The following CAMK1D variants were observed in gnomAD, a reference collection of about 807,000 sequenced individuals.
The protein encoded by CAMK1D is calcium/calmodulin-dependent protein kinase type 1D.
In CAMK1D, 9 loss-of-function variants were observed where a neutral mutation model predicts 47.7. That is an observed-to-expected ratio of 0.19 (90% CI 0.11 to 0.33). The LOEUF (loss-of-function observed/expected upper bound fraction) is 0.33. Among genes scored for constraint, CAMK1D ranks in the 10% least tolerant of loss-of-function variants. The pLI is 1.00. For synonymous variants in CAMK1D, 184 were observed against 184.9 expected (o/e 0.99, Z 0.04); for missense variants, 291 against 488.7 (o/e 0.60, Z 3.81).
intron 3 of CAMK1D, among the ~76,000 whole-genome samples, chr10:12,743,271 C>T (rs1835512502): frequency 1.3e-5 from 2 of 149,964 alleles, no homozygotes; most frequent in African/African-American, 4.9e-5. Context: ...CACTTGAACC[C>T]AGGAGGCAGA....
chr10:12,803,487 G>T (rs1343903632), intron 6 of CAMK1D, among the ~76,000 whole-genome samples: 3 of 152,060 alleles, frequency 2.0e-5, no homozygotes, highest in Non-Finnish European at 4.4e-5. Context: ...TTCGAGACCA[G>T]CCTGGCCAAC....
chr10:12,834,183 T>C lies in CAMK1D; in HGVS notation c.*5296T>C, dbSNP rs1305572095. On this transcript the variant is annotated 3_prime_UTR_variant, in exon 11 of 11. Coordinates refer to ENST00000619168, the MANE Select transcript of CAMK1D (RefSeq NM_153498.4). ...TCAACTCTGGGGAGCAGGCAGGCGG[T>C]CTGAGGAAGATAAGGGCCCACGCCC... 6.6e-6 allele frequency: 1 copy of C among 152,160 alleles called. No individual in the cohort carries two copies. Among genetic ancestry groups the C allele is most frequent in the Admixed American group, 6.6e-5 (1 of 15,260 alleles). The allele number at this position is 152,160 out of a possible 1,614,324, so 9.4% of individuals were successfully genotyped here. A position where few individuals can be genotyped will look rare whatever the true frequency, so the allele number is the denominator to read the frequency against.
At chr10:12,504,547 T>C (rs1483513940) in intron 1 of CAMK1D, among the ~76,000 whole-genome samples, 1 of 152,148 alleles carries the variant, frequency 6.6e-6, no homozygotes, top group African/African-American at 2.4e-5. Context: ...CTTGACTCAC[T>C]AGCAATTCAA....
intron 3 of CAMK1D, among the ~76,000 whole-genome samples, chr10:12,757,615 G>A (rs893932233): frequency 6.6e-6 from 1 of 152,196 alleles, no homozygotes; most frequent in African/African-American, 2.4e-5. Flanking sequence ...GAATAAGTCA[G>A]TGCTGGCTGC....
At chr10:12,548,435 T>C (rs1386805751) in intron 1 of CAMK1D, among the ~76,000 whole-genome samples, 1 of 150,508 alleles carries the variant, frequency 6.6e-6, no homozygotes, top group Non-Finnish European at 1.5e-5. Flanking sequence ...ACATAAACTT[T>C]ACCATTTTAA....
At chr10:12,620,203 A>AAAAAAT (rs1838953834) in intron 2 of CAMK1D, among the ~76,000 whole-genome samples, 1 of 150,812 alleles carries the variant, frequency 6.6e-6, no homozygotes, top group African/African-American at 2.4e-5. Flanking sequence ...AAAAAAAAAA[A>AAAAAAT]AAAAAAAAAA....
chr10:12,474,403 C>T (rs1364677125), intron 1 of CAMK1D, among the ~76,000 whole-genome samples: 1 of 151,896 alleles, frequency 6.6e-6, no homozygotes, highest in Admixed American at 6.6e-5. Flanking sequence ...CCGTGTTTTC[C>T]AGGATGGTCT....
intron 3 of CAMK1D, among the ~76,000 whole-genome samples, chr10:12,670,246 G>A (rs772996939): frequency 2.7e-5 from 4 of 150,252 alleles, no homozygotes; most frequent in African/African-American, 4.9e-5. Flanking sequence ...ATCACAGGGT[G>A]GTTTTAATTT....
chr10:12,728,722 G>A (rs762465900), intron 3 of CAMK1D, among the ~76,000 whole-genome samples: 3 of 152,176 alleles, frequency 2.0e-5, no homozygotes, highest in Non-Finnish European at 4.4e-5. Context: ...CCCTCACCCC[G>A]TAGTTTTCAT....
intron 3 of CAMK1D, among the ~76,000 whole-genome samples, chr10:12,750,191 G>A (rs77680988): frequency 5.9e-5 from 9 of 152,006 alleles, no homozygotes; most frequent in East Asian, 3.9e-4. Flanking sequence ...TTTCCCAGGC[G>A]CTGAGTATGT....
At chr10:12,368,198 C>CA (rs759817546) in intron 1 of CAMK1D, among the ~76,000 whole-genome samples, 6,822 of 89,536 alleles carry the variant, frequency 0.076, 404 homozygotes, top group African/African-American at 0.19. Context: ...GACTCCGTCT[C>CA]AAAAAAAAAA....
chr10:12,446,903 C>A (rs1832940728), intron 1 of CAMK1D, among the ~76,000 whole-genome samples: 1 of 152,142 alleles, frequency 6.6e-6, no homozygotes, highest in Admixed American at 6.6e-5. Context: ...CTGAGAATTA[C>A]ATGAGATACC....
In CAMK1D at chr10:12,386,919, C is replaced by T. The variant is rs535022878; in HGVS notation, c.92+37009C>T. Among the ~76,000 whole-genome samples, 3 of 152,142 alleles carry T rather than the reference C, an allele frequency of 2.0e-5. No individual in the cohort carries two copies. In the South Asian group the frequency reaches 6.2e-4, roughly 32 times the overall value. ...GTAGAACTACGAAGATAACTTTACT[C>T]AGCCGGGCGCAGTAGCTCACGCCTG... is the stretch of plus-strand genomic sequence containing the variant. On this transcript the variant is annotated intron_variant, in intron 1 of 10. Transcript: ENST00000619168.
At chr10:12,652,021 T>C (rs7923205) in intron 2 of CAMK1D, among the ~76,000 whole-genome samples, 82,999 of 150,758 alleles carry the variant, frequency 0.55, 22,995 homozygotes, top group East Asian at 0.62. Flanking sequence ...CCTCGTGATC[T>C]GCCCGCCTCG....
chr10:12,517,299 C>T (rs1835241200), intron 1 of CAMK1D, among the ~76,000 whole-genome samples: 1 of 152,164 alleles, frequency 6.6e-6, no homozygotes, highest in African/African-American at 2.4e-5. Flanking sequence ...TTTTTAAAAA[C>T]ATAAACAATC....
At chr10:12,513,655 G>C (rs1472495636) in intron 1 of CAMK1D, among the ~76,000 whole-genome samples, 12 of 152,090 alleles carry the variant, frequency 7.9e-5, no homozygotes, top group African/African-American at 2.9e-4. Flanking sequence ...TAAAAAATGA[G>C]CCAGGTGTGG....
At chr10:12,523,950 G>T (rs1378672614) in intron 1 of CAMK1D, among the ~76,000 whole-genome samples, 2 of 151,916 alleles carry the variant, frequency 1.3e-5, no homozygotes, top group African/African-American at 4.8e-5. Flanking sequence ...GCCCAGGCTT[G>T]GCGCGATCTC....
intron 1 of CAMK1D, among the ~76,000 whole-genome samples, chr10:12,440,201 C>G (rs1304703995): frequency 6.6e-6 from 1 of 152,110 alleles, no homozygotes; most frequent in African/African-American, 2.4e-5. Context: ...TGAAACTCTT[C>G]ATAAAAGTCT....
chr10:12,758,102 G>T (rs750070304), intron 3 of CAMK1D, among the ~76,000 whole-genome samples: 1 of 151,926 alleles, frequency 6.6e-6, no homozygotes, highest in Non-Finnish European at 1.5e-5. Flanking sequence ...CCGCCTCCTT[G>T]GCCTCCCAAA....
Sources: gnomAD v4.1 joint callset for allele counts (sites outside exome capture counted in the v4.1 genomes callset) on GRCh38, gnomAD v4.1.1 for gene constraint, MANE v1.5 for transcripts, NCBI Gene and HGNC (gene_info 2026-07-23, HGNC 2026-07-21) for gene names.